Variants in GTF2A1 observed in about 807,000 individuals in gnomAD.
GTF2A1 encodes transcription initiation factor IIA subunit 1.
In GTF2A1, 12 loss-of-function variants were observed where a neutral mutation model predicts 54.1. The observed-to-expected ratio is 0.22, with a 90% confidence interval of 0.14 to 0.36. The LOEUF (loss-of-function observed/expected upper bound fraction) is 0.36, where lower values mean the gene tolerates loss of function less well. Ranked by LOEUF, GTF2A1 falls within the 10% of genes least tolerant of loss-of-function variation. GTF2A1 has a pLI of 1.00. For missense variants in GTF2A1, 335 were observed against 442.2 expected (o/e 0.76, Z 2.17); for synonymous variants, 145 against 152.0 (o/e 0.95, Z 0.34).
In GTF2A1 at chr14:81,220,551, C is replaced by G; in HGVS notation, c.-33G>C. On this transcript the variant is annotated 5_prime_UTR_variant, in exon 1 of 9. Transcript: ENST00000553612. ...CACAACACAAACAAGAGGGGGCAAC[C>G]CCAAGAAAACAAGATAAAAACAAAA... The G allele has an allele frequency of 6.5e-7, 1 of 1,535,376 alleles. No homozygotes were observed. The highest frequency in any genetic ancestry group is 8.8e-7 in the Non-Finnish European group (1 of 1,134,444).
chr14:81,185,921 C>T (rs933731305), intron 7 of GTF2A1, among the ~76,000 whole-genome samples: 2 of 152,196 alleles, frequency 1.3e-5, no homozygotes, highest in Non-Finnish European at 2.9e-5. Context: ...GGTGCAATCT[C>T]GGCTCACTGC....
rs1318975475 is a variant in GTF2A1 at position 81,220,840 on chromosome 14, G to C, written c.-322C>G. On this transcript the variant is annotated 5_prime_UTR_variant, in exon 1 of 9. Coordinates refer to ENST00000553612, the MANE Select transcript of GTF2A1 (RefSeq NM_015859.4). ...ACCACCACCGGTCACCGCTCCCTGC[G>C]CCGCCGCTGCCGCCACCGGCTGCAG... 1.4e-5 allele frequency: 4 copies of C among 294,782 alleles called. No homozygotes were observed. The highest frequency in any genetic ancestry group is 8.7e-5 in the African/African-American group (4 of 45,832). The allele number at this position is 294,782 out of a possible 1,614,324, so 18.3% of individuals were successfully genotyped here. A position where few individuals can be genotyped will look rare whatever the true frequency, so the allele number is the denominator to read the frequency against.
At chr14:81,209,428 G>A (rs6574631) in intron 2 of GTF2A1, among the ~76,000 whole-genome samples, 60,125 of 152,060 alleles carry the variant, frequency 0.4, 14,074 homozygotes, top group Middle Eastern at 0.55. Context: ...TTCGGGTTAC[G>A]TCTTTATCAG....
At position 81,196,131 on chromosome 14, in the gene GTF2A1, C is replaced by G; in HGVS notation, c.589G>C (p.Val197Leu). 5.6e-6 allele frequency: 9 copies of G among 1,613,640 alleles called. No individual in the cohort carries two copies. The highest frequency in any genetic ancestry group is 7.6e-6 in the Non-Finnish European group (9 of 1,179,580). Residue 197 changes from valine (V) to leucine (L), a missense_variant, in exon 6 of 9, where the codon GTA (valine) becomes CTA (leucine). Val to Leu is a conservative substitution (Grantham distance 32). Around this residue, in one of 2 missense-constraint regions of GTF2A1, gnomAD observed 306 missense variants for 360.4 expected, o/e 0.85. Transcript: ENST00000553612. ...ACCTGCTGTATAACAGGAGCTTGTA[C>G]TCCACCAGGCTGCATTTGTGGTATA... Reference protein sequence around the residue: ...QVIPQMQPGGVQAPVIQQVLA... With the variant: ...QVIPQMQPGGLQAPVIQQVLA...
At chr14:81,204,444 A>G (rs1046157481) in intron 2 of GTF2A1, 2 of 335,726 alleles carry the variant, frequency 6.0e-6, no homozygotes, top group African/African-American at 4.3e-5. Flanking sequence ...CCTTTATAAT[A>G]GCAAAACCAT....
At chr14:81,188,344 T>C (rs1327880213) in intron 7 of GTF2A1, among the ~76,000 whole-genome samples, 2 of 152,000 alleles carry the variant, frequency 1.3e-5, no homozygotes, top group Admixed American at 1.3e-4. Flanking sequence ...GCCACGATCA[T>C]GCCACTGCAC....
At chr14:81,186,155 CT>C (rs1892740662) in intron 7 of GTF2A1, among the ~76,000 whole-genome samples, 1 of 152,156 alleles carries the variant, frequency 6.6e-6, no homozygotes, top group Non-Finnish European at 1.5e-5. Context: ...CCCGGCCTAT[CT>C]TTATTTTCTT....
chr14:81,181,948 C>T (rs1892648459), intron 8 of GTF2A1, among the ~76,000 whole-genome samples: 1 of 152,158 alleles, frequency 6.6e-6, no homozygotes, highest in Non-Finnish European at 1.5e-5. Flanking sequence ...GCAGTGTCTG[C>T]TTAAATACGA....
In GTF2A1 at chr14:81,175,606, A is replaced by T. The variant is rs921002872; in HGVS notation, c.*4617T>A. 2 of 152,324 alleles carry T rather than the reference A, an allele frequency of 1.3e-5. No individual in the cohort carries two copies. Among genetic ancestry groups the T allele is most frequent in the East Asian group, 3.9e-4 (2 of 5,190 alleles). 9.4% of individuals were successfully genotyped at this position (152,324 alleles called of 1,614,324 possible). ...TAACTATAAAATTAAAATACCTGCT[A>T]ATTATTATCTTCTAAAATAACACAA... On this transcript the variant is annotated 3_prime_UTR_variant, in exon 9 of 9. Coordinates refer to ENST00000553612, the MANE Select transcript of GTF2A1 (RefSeq NM_015859.4).
rs555026892 is a variant in GTF2A1 at position 81,207,368 on chromosome 14, C to T, written c.133-3264G>A. On this transcript the variant is annotated intron_variant, in intron 2 of 8. Coordinates refer to ENST00000553612, the MANE Select transcript of GTF2A1 (RefSeq NM_015859.4). ...TTCGCTTTTGCTTGTTCCTCATTTT[C>T]TCTTGCTGCCAACACGTAAGAAGAG... Among the ~76,000 whole-genome samples, 14 of 152,232 alleles carry T rather than the reference C, an allele frequency of 9.2e-5. No homozygotes were observed. The South Asian group carries it at 2.9e-3, about 32-fold the overall frequency.
At position 81,220,497 on chromosome 14, in the gene GTF2A1, T is replaced by C. The variant is rs1595236757; in HGVS notation, c.22A>G (p.Asn8Asp). 4 of 1,578,474 alleles carry C rather than the reference T, an allele frequency of 2.5e-6. No homozygotes were observed. The highest frequency in any genetic ancestry group is 1.4e-5 in the African/African-American group (1 of 73,388). The change falls in exon 1 of 9, where the codon AAC becomes GAC. Residue 8 changes from asparagine to aspartate, a missense_variant. Transcript: ENST00000553612. ...CCGAACCACGTCCTTACCACGGTGTTTGTATTTGCCGAGTTCGCCATTTCC... is the reference window on the plus strand; with the variant it reads ...CCGAACCACGTCCTTACCACGGTGTCTGTATTTGCCGAGTTCGCCATTTCC... MANSANT[N>D]TVPKLYRSVI...
intron 1 of GTF2A1, among the ~76,000 whole-genome samples, chr14:81,219,393 T>G (rs191947512): frequency 6.2e-4 from 95 of 152,332 alleles, no homozygotes; most frequent in South Asian, 1.2e-3. Context: ...GGTGTTTAAA[T>G]GGAGAGGCGG....
chr14:81,199,191 A>C (rs1893052794), intron 4 of GTF2A1, among the ~76,000 whole-genome samples: 1 of 152,230 alleles, frequency 6.6e-6, no homozygotes, highest in Non-Finnish European at 1.5e-5. Context: ...TTCTCCCTCT[A>C]CCAGCAAACT....
Position 81,220,594 on chromosome 14 carries a change from A to AT in GTF2A1, c.-77dup, listed in dbSNP as rs145594822. 0.54 allele frequency: 644,778 copies of AT among 1,195,202 alleles called. 179,692 individuals are homozygous for AT. The highest frequency in any genetic ancestry group is 0.6 in the Middle Eastern group (2,988 of 4,974). 74.0% of individuals were successfully genotyped at this position (1,195,202 alleles called of 1,614,324 possible). A position where few individuals can be genotyped will look rare whatever the true frequency, so the allele number is the denominator to read the frequency against. ...AAACAAAACCAAAAAAAAAAAAACT[A>AT]TAACACCCGGAGGGTGACCCAAATC... is the stretch of plus-strand genomic sequence containing the variant. On this transcript the variant is annotated 5_prime_UTR_variant, in exon 1 of 9. Coordinates refer to ENST00000553612, the MANE Select transcript of GTF2A1 (RefSeq NM_015859.4).
Position 81,180,081 on chromosome 14 carries a change from TTTG to T in GTF2A1, c.*139_*141del. 3.1e-6 allele frequency: 1 copy of T among 325,754 alleles called. No individual in the cohort carries two copies. Among genetic ancestry groups the T allele is most frequent in the Non-Finnish European group, 6.0e-6 (1 of 167,900 alleles). 20.2% of individuals were successfully genotyped at this position (325,754 alleles called of 1,614,324 possible). A position where few individuals can be genotyped will look rare whatever the true frequency, so the allele number is the denominator to read the frequency against. ...AGTGTCTATGTTGTCAAGGTCTATC[TTTG>T]TTCCAGTAGCTTTGCTTCTACTGCA... is the stretch of plus-strand genomic sequence containing the variant. On this transcript the variant is annotated 3_prime_UTR_variant, in exon 9 of 9. Transcript: ENST00000553612.
chr14:81,207,572 G>A (rs1893266812), intron 2 of GTF2A1, among the ~76,000 whole-genome samples: 1 of 152,202 alleles, frequency 6.6e-6, no homozygotes, highest in African/African-American at 2.4e-5. Context: ...CTGAAAATAT[G>A]GAAGCGACTG....
chr14:81,211,887 A>ATATATATATATG (rs1893376885), intron 2 of GTF2A1, among the ~76,000 whole-genome samples: 1 of 137,260 alleles, frequency 7.3e-6, no homozygotes, highest in Non-Finnish European at 1.5e-5. Flanking sequence ...ATATATATAT[A>ATATATATATATG]TATATATATA....
intron 7 of GTF2A1, among the ~76,000 whole-genome samples, chr14:81,191,928 T>C (rs983918057): frequency 2.0e-5 from 3 of 152,160 alleles, no homozygotes; most frequent in African/African-American, 7.2e-5. Context: ...CAATTAACAG[T>C]GAAAATTGTG....
At position 81,196,246 on chromosome 14, in the gene GTF2A1, A is replaced by G; in HGVS notation, c.479-5T>C. 2 of 1,614,144 alleles carry G rather than the reference A, an allele frequency of 1.2e-6. No homozygotes were observed. Among genetic ancestry groups the G allele is most frequent in the Non-Finnish European group, 1.7e-6 (2 of 1,179,974 alleles). On this transcript the variant is annotated splice_region_variant and splice_polypyrimidine_tract_variant and intron_variant, in intron 5 of 8. Transcript: ENST00000553612. Reference sequence around the variant, plus strand: ...TGACCACCTGAAGAAGCTGGCCTAAAGCAAAAAGCATGCATTCCGAGTTAT... The same window carrying G: ...TGACCACCTGAAGAAGCTGGCCTAAGGCAAAAAGCATGCATTCCGAGTTAT...
Sources: allele counts gnomAD v4.1 joint callset (sites outside exome capture counted in the v4.1 genomes callset), GRCh38; gene constraint gnomAD v4.1.1; regional missense constraint gnomAD v4.1.1; transcripts MANE v1.5; gene names NCBI Gene and HGNC (gene_info 2026-07-23, HGNC 2026-07-21).